FEZ2: variants seen among roughly 807,000 people sequenced by gnomAD.
The protein encoded by FEZ2 is fasciculation and elongation protein zeta-2.
Under a neutral mutation model 40.4 loss-of-function variants are expected in FEZ2, and 51 were observed. The ratio of observed to expected loss-of-function variants is 1.26; its 90% CI spans 1.01 to 1.59. The LOEUF (loss-of-function observed/expected upper bound fraction) is 1.59. Ranked by LOEUF, FEZ2 falls within the 40% of genes most tolerant of loss-of-function variation. FEZ2 has a pLI of 0.00. For missense variants in FEZ2, 640 were observed against 438.3 expected, an observed-to-expected ratio of 1.46 and a Z score of -4.11; for synonymous variants, 242 against 172.0, an observed-to-expected ratio of 1.41 and a Z score of -3.18.
intron 4 of FEZ2, among the ~76,000 whole-genome samples, chr2:36,579,903 G>A (rs1452329620): frequency 6.6e-6 from 1 of 152,072 alleles, no homozygotes; most frequent in Non-Finnish European, 1.5e-5. Context: ...TCTTTAAAGA[G>A]GTAAATTAAG....
intron 1 of FEZ2, among the ~76,000 whole-genome samples, chr2:36,592,509 T>C (rs1356455463): frequency 6.6e-6 from 1 of 152,166 alleles, no homozygotes; most frequent in Non-Finnish European, 1.5e-5. Context: ...TGTTTGGCTT[T>C]AAAATGCACG....
At chr2:36,577,392 G>T (rs1389485924) in intron 5 of FEZ2, among the ~76,000 whole-genome samples, 2 of 152,040 alleles carry the variant, frequency 1.3e-5, no homozygotes, top group African/African-American at 2.4e-5. Context: ...AGAGTAGCTG[G>T]AATTACAGGC....
intron 3 of FEZ2, 33 bp downstream of exon 3, chr2:36,583,320 C>A: frequency 8.7e-7 from 1 of 1,149,156 alleles, no homozygotes; most frequent in South Asian, 1.2e-5. Context: ...CTAGAGTCTC[C>A]TTTCCTTGCG....
chr2:36,554,018 CTTCA>C lies in FEZ2; in HGVS notation c.1046-843_1046-840del, dbSNP rs1667892054. ...ATACATCTCCACATTGCACTCCCGT[CTTCA>C]TTTTCTCTGACTACAGTCTCCACTG... On this transcript the variant is annotated intron_variant, in intron 7 of 7. Transcript: ENST00000405912. 5.3e-5 allele frequency among the ~76,000 whole-genome samples: 8 copies of C among 152,290 alleles called. No individual in the cohort carries two copies. In the South Asian group the frequency reaches 1.7e-3, roughly 32 times the overall value.
intron 5 of FEZ2, among the ~76,000 whole-genome samples, chr2:36,572,188 C>G (rs909054854): frequency 1.3e-5 from 2 of 152,134 alleles, no homozygotes; most frequent in African/African-American, 4.8e-5. Flanking sequence ...CCTGCTCACT[C>G]TCTTTACCTA....
At chr2:36,597,518 T>C (rs997439422) in intron 1 of FEZ2, among the ~76,000 whole-genome samples, 3 of 152,140 alleles carry the variant, frequency 2.0e-5, no homozygotes, top group Non-Finnish European at 2.9e-5. Flanking sequence ...GCTTAATAAA[T>C]GCGACTTGAG....
In FEZ2 at chr2:36,598,128, C is replaced by A; in HGVS notation, c.15G>T (p.Gly5=). ...GGAACTCATAGAAATCCTGCCAGTC[C>A]CCGTCCGCCGCCATCGCCGCCCGGA... MAAD[G]DWQDFYEFQE... The change falls in exon 1 of 8, where the codon GGG becomes GGT. Residue 5 remains glycine (G), a synonymous_variant. Coordinates refer to ENST00000405912, the MANE Select transcript of FEZ2 (RefSeq NM_005102.3). 2.7e-6 allele frequency: 4 copies of A among 1,480,814 alleles called. No individual in the cohort carries two copies. The highest frequency in any genetic ancestry group is 3.6e-6 in the Non-Finnish European group (4 of 1,123,308). The allele number at this position is 1,480,814 out of a possible 1,614,324, so 91.7% of individuals were successfully genotyped here.
Position 36,598,044 on chromosome 2 carries a change from C to T in FEZ2, c.99G>A (p.Gly33=), listed in dbSNP as rs777477865. Residue 33 remains glycine, a synonymous_variant, in exon 1 of 8, where the codon GGG becomes GGA. Transcript: ENST00000405912. ...CACCCGCCTCGGCCCCCGCCTCCGC[C>T]CCAGGCTCGGGGCTCGCGTTACAGT... ...QENCNASPEP[G]AEAGAEAGGG... 2.7e-6 allele frequency: 4 copies of T among 1,502,760 alleles called. No individual in the cohort carries two copies. The South Asian group carries it at 4.9e-5, about 18-fold the overall frequency. 93.1% of individuals were successfully genotyped at this position (1,502,760 alleles called of 1,614,324 possible). A position where few individuals can be genotyped will look rare whatever the true frequency, so the allele number is the denominator to read the frequency against.
Position 36,569,425 on chromosome 2 carries a change from C to T in FEZ2, c.903+9172G>A, listed in dbSNP as rs142355350. 1.4e-3 allele frequency among the ~76,000 whole-genome samples: 212 copies of T among 152,130 alleles called. 1 individual carries two copies. The highest frequency in any genetic ancestry group is 4.9e-3 in the African/African-American group (202 of 41,472). On this transcript the variant is annotated intron_variant, in intron 5 of 7. Coordinates refer to ENST00000405912, the MANE Select transcript of FEZ2 (RefSeq NM_005102.3). Reference sequence around the variant, plus strand: ...AGTTCCTAGCTGATAGGACTGAAAACAACATAAAGAGACATTACTATCTAT... The same window carrying T: ...AGTTCCTAGCTGATAGGACTGAAAATAACATAAAGAGACATTACTATCTAT...
chr2:36,553,886 G>C (rs1386666968), intron 7 of FEZ2, among the ~76,000 whole-genome samples: 1 of 152,164 alleles, frequency 6.6e-6, no homozygotes, highest in African/African-American at 2.4e-5. Context: ...CGTATTATTG[G>C]TCCCCAAGGA....
At chr2:36,563,892 T>A (rs147110560) in intron 5 of FEZ2, among the ~76,000 whole-genome samples, 1 of 152,312 alleles carries the variant, frequency 6.6e-6, no homozygotes, top group African/African-American at 2.4e-5. Context: ...TGCTCTCTAG[T>A]TGCTTCTTCT....
rs3076528 is a variant in FEZ2, at chr2:36,552,512, A to AACTT, written c.*647_*650dup. ...ATGAAGCAGAACATTTGAAAATCAAAACTTAAATACAAGATTCTAAAAGTG... is the reference window on the plus strand; with the variant it reads ...ATGAAGCAGAACATTTGAAAATCAAAACTTACTTAAATACAAGATTCTAAAAGTG... On this transcript the variant is annotated 3_prime_UTR_variant, in exon 8 of 8. Transcript: ENST00000405912. 0.29 allele frequency: 70,530 copies of AACTT among 245,566 alleles called. 10,826 individuals are homozygous for AACTT. The highest frequency in any genetic ancestry group is 0.39 in the Middle Eastern group (239 of 618). 15.2% of individuals were successfully genotyped at this position (245,566 alleles called of 1,614,324 possible).
chr2:36,576,436 A>AT (rs1384467074), intron 5 of FEZ2, among the ~76,000 whole-genome samples: 1 of 151,920 alleles, frequency 6.6e-6, no homozygotes, highest in Admixed American at 6.6e-5. Flanking sequence ...CGCCCAACTA[A>AT]TTTTTGTATT....
At chr2:36,569,613 G>T (rs771840555) in intron 5 of FEZ2, among the ~76,000 whole-genome samples, 36 of 152,192 alleles carry the variant, frequency 2.4e-4, no homozygotes, top group Non-Finnish European at 8.8e-5. Context: ...TTCTTCTGTG[G>T]TATCTTAAAT....
chr2:36,597,152 G>A (rs943385542), intron 1 of FEZ2, among the ~76,000 whole-genome samples: 3 of 151,994 alleles, frequency 2.0e-5, no homozygotes, highest in Non-Finnish European at 2.9e-5. Flanking sequence ...CAGGGCTCCC[G>A]GGTGGGTCCC....
intron 6 of FEZ2, chr2:36,556,928 C>A (rs1228421747): frequency 6.6e-6 from 1 of 152,088 alleles, no homozygotes; most frequent in African/African-American, 2.4e-5. Flanking sequence ...AGCTTTGGAC[C>A]CAAATATGTC....
intron 5 of FEZ2, among the ~76,000 whole-genome samples, chr2:36,560,386 T>C (rs190241878): frequency 1.1e-3 from 164 of 152,346 alleles, no homozygotes; most frequent in Non-Finnish European, 1.8e-3. Context: ...CATACCGACA[T>C]CTGGCCTTCT....
intron 5 of FEZ2, among the ~76,000 whole-genome samples, chr2:36,562,351 AC>A (rs1458772103): frequency 6.6e-6 from 1 of 152,228 alleles, no homozygotes; most frequent in African/African-American, 2.4e-5. Flanking sequence ...AGTCTTGATA[AC>A]AAAAAGCTAA....
intron 7 of FEZ2, among the ~76,000 whole-genome samples, chr2:36,554,884 A>T (rs1179862899): frequency 6.6e-6 from 1 of 152,214 alleles, no homozygotes; most frequent in African/African-American, 2.4e-5. Context: ...AGAGAAGAAG[A>T]CTGTTACTAG....
Sources: gnomAD v4.1 joint callset for allele counts (sites outside exome capture counted in the v4.1 genomes callset) on GRCh38, gnomAD v4.1.1 for gene constraint, MANE v1.5 for transcripts, NCBI Gene and HGNC (gene_info 2026-07-23, HGNC 2026-07-21) for gene names.